Variants in PLCH2 observed in about 807,000 individuals in gnomAD.
The protein encoded by PLCH2 is 1-phosphatidylinositol 4,5-bisphosphate phosphodiesterase eta-2.
In PLCH2, 98 loss-of-function variants were observed where a neutral mutation model predicts 134.7. That is an observed-to-expected ratio of 0.73 (90% CI 0.62 to 0.86). The LOEUF (loss-of-function observed/expected upper bound fraction) is 0.86, where lower values mean the gene tolerates loss of function less well. PLCH2 is among the 40% of genes least tolerant of loss of function. The pLI is 0.00. For missense variants in PLCH2, 1,994 were observed against 1,986.6 expected (o/e 1.00, Z -0.07); for synonymous variants, 974 against 827.5 (o/e 1.18, Z -3.04).
intron 2 of PLCH2, among the ~76,000 whole-genome samples, chr1:2,445,176 A>C (rs1291345128): frequency 1.3e-5 from 2 of 152,114 alleles, no homozygotes; most frequent in Non-Finnish European, 2.9e-5. Context: ...GGGTCTGGAA[A>C]GGATGAGGGA....
chr1:2,503,635 G>A (rs951368138), intron 21 of PLCH2: 9 of 696,824 alleles, frequency 1.3e-5, no homozygotes, highest in East Asian at 8.1e-5. Flanking sequence ...TGAGAGCGGC[G>A]AGTGACAGGT....
At chr1:2,462,156 C>A (rs1417131283) in intron 2 of PLCH2, among the ~76,000 whole-genome samples, 3 of 115,830 alleles carry the variant, frequency 2.6e-5, no homozygotes, top group Non-Finnish European at 5.2e-5. Context: ...CACCCCTACA[C>A]CTGACACCCC....
chr1:2,460,170 T>C (rs1640744540), intron 2 of PLCH2, among the ~76,000 whole-genome samples: 1 of 152,224 alleles, frequency 6.6e-6, no homozygotes, highest in Non-Finnish European at 1.5e-5. Context: ...GCCCTTCATG[T>C]CCCCAGGGGC....
At chr1:2,469,781 G>T (rs965944414) in intron 1 of PLCH2, among the ~76,000 whole-genome samples, 1 of 152,214 alleles carries the variant, frequency 6.6e-6, no homozygotes. Context: ...GTGGGCGCGG[G>T]CCTCCCGTGT....
intron 1 of PLCH2, chr1:2,467,745 C>G: frequency 2.5e-6 from 1 of 400,258 alleles, no homozygotes; most frequent in Non-Finnish European, 4.4e-6. Context: ...ACTGGTGACC[C>G]GCCCAGGACC....
chr1:2,419,454 A>G, the PLCH2 span, among the ~76,000 whole-genome samples: 1 of 151,458 alleles, frequency 6.6e-6, no homozygotes, highest in Non-Finnish European at 1.5e-5. Flanking sequence ...GCTGGTCCAC[A>G]CTCTGAGGCC....
chr1:2,487,365 G>A lies in PLCH2; in HGVS notation c.1103G>A (p.Arg368His), dbSNP rs373907437. 14 of 1,612,190 alleles carry A rather than the reference G, an allele frequency of 8.7e-6. No homozygotes were observed. The highest frequency in any genetic ancestry group is 4.0e-5 in the African/African-American group (3 of 74,914). Residue 368 changes from arginine (R) to histidine (H), a missense_variant, in exon 7 of 22, where the codon CGC (arginine) becomes CAC (histidine). Physicochemically the swap from Arg to His is conservative, Grantham distance 29. Coordinates refer to ENST00000378486, the MANE Select transcript of PLCH2 (RefSeq NM_014638.4). ...MYAWVLQAGC[R>H]CVEVDCWDGP... Reference sequence around the variant, plus strand: ...GCTTGGGTCCTGCAGGCTGGCTGCCGCTGCGTGGAGGGTAAGCCCTGGACC... The same window carrying A: ...GCTTGGGTCCTGCAGGCTGGCTGCCACTGCGTGGAGGGTAAGCCCTGGACC...
chr1:2,504,381 G>T lies in PLCH2; in HGVS notation c.3419G>T (p.Arg1140Leu), dbSNP rs774814692. Residue 1140 changes from arginine to leucine, a missense_variant, in exon 22 of 22, where the codon CGA becomes CTA. This residue lies in a region of PLCH2 where 900 missense variants were observed against 752.3 expected (regional missense o/e 1.20). Transcript: ENST00000378486. Reference sequence around the variant, plus strand: ...CAGCGGCTGGAGCCATGTGGCCACCGAGACAGCGTTTCCTCCTCCTCCAGC... The same window carrying T: ...CAGCGGCTGGAGCCATGTGGCCACCTAGACAGCGTTTCCTCCTCCTCCAGC... Reference protein sequence around the residue: ...LWQRLEPCGHRDSVSSSSSMS... With the variant: ...LWQRLEPCGHLDSVSSSSSMS... The T allele has an allele frequency of 6.2e-7, 1 of 1,611,994 alleles. No homozygotes were observed.
upstream of PLCH2, among the ~76,000 whole-genome samples, chr1:2,473,125 G>A (rs967725973): frequency 2.6e-5 from 4 of 152,096 alleles, no homozygotes; most frequent in Admixed American, 6.5e-5. Context: ...TTCTGACAGC[G>A]CGCGCTCTTC....
At position 2,505,177 on chromosome 1, in the gene PLCH2, C is replaced by T. The variant is rs779931951; in HGVS notation, c.4215C>T (p.Ser1405=). ...CCAAGGGAGCCCTCGGGCCAGCATCCGCGGCTGCTGAAAACCTGGTCCTGC... is the reference window on the plus strand; with the variant it reads ...CCAAGGGAGCCCTCGGGCCAGCATCTGCGGCTGCTGAAAACCTGGTCCTGC... The part of the protein sequence containing the change: ...APSKGALGPA[S]AAAENLVLLR... The change falls in exon 22 of 22, where the codon TCC becomes TCT. Residue 1405 remains serine (S), a synonymous_variant. Coordinates refer to ENST00000378486, the MANE Select transcript of PLCH2 (RefSeq NM_014638.4). 8.9e-6 allele frequency: 14 copies of T among 1,571,456 alleles called. No homozygotes were observed. In the East Asian group the frequency reaches 1.2e-4, roughly 13 times the overall value.
At chr1:2,469,425 G>A (rs1001911275) in intron 1 of PLCH2, among the ~76,000 whole-genome samples, 9 of 152,240 alleles carry the variant, frequency 5.9e-5, no homozygotes, top group African/African-American at 1.4e-4. Context: ...TCCACGTGCC[G>A]CCGAGGACGG....
At chr1:2,465,765 CGGGCG>C (rs1553246372), upstream of PLCH2, among the ~76,000 whole-genome samples, 2 of 152,132 alleles carry the variant, frequency 1.3e-5, no homozygotes, top group Non-Finnish European at 2.9e-5. Flanking sequence ...GGCTGAGTGG[CGGGCG>C]GGGCTGGCCC....
upstream of PLCH2, among the ~76,000 whole-genome samples, chr1:2,423,961 A>C (rs67532508): frequency 2.0e-5 from 3 of 151,952 alleles, no homozygotes; most frequent in African/African-American, 7.3e-5. Context: ...AATTTTATAA[A>C]GTTTACAGGG....
chr1:2,490,076 T>A (rs1424736999), intron 10 of PLCH2, among the ~76,000 whole-genome samples: 1 of 142,028 alleles, frequency 7.0e-6, no homozygotes, highest in Non-Finnish European at 1.5e-5. Flanking sequence ...TCTTCCCAGT[T>A]TCAGCTCCCA....
intron 5 of PLCH2, among the ~76,000 whole-genome samples, chr1:2,486,622 C>T (rs964435774): frequency 5.9e-5 from 9 of 152,372 alleles, no homozygotes; most frequent in Admixed American, 4.6e-4. Flanking sequence ...GCCTCTGCTC[C>T]GTGCCAGGCC....
chr1:2,499,417 G>C (rs1219942683), intron 19 of PLCH2, among the ~76,000 whole-genome samples, 187 bp downstream of exon 19: 1 of 152,178 alleles, frequency 6.6e-6, no homozygotes, highest in African/African-American at 2.4e-5. Context: ...TGGCCTGTGG[G>C]GGAGGGGCCA....
In PLCH2 at chr1:2,459,513, C is replaced by T. The variant is rs35813218; in HGVS notation, c.116-18963C>T. Among the ~76,000 whole-genome samples, 219 of 46,406 alleles carry T rather than the reference C, an allele frequency of 4.7e-3. 7 individuals carry two copies. The highest frequency in any genetic ancestry group is 0.041 in the Middle Eastern group (3 of 74). 30.4% of individuals were successfully genotyped at this position (46,406 alleles called of 152,430 possible). A position where few individuals can be genotyped will look rare whatever the true frequency, so the allele number is the denominator to read the frequency against. On this transcript the variant is annotated intron_variant, in intron 2 of 3. Transcript: ENST00000609981. Reference sequence around the variant, plus strand: ...CCTGGTGGTCCTCCTTCCTGGTGGTCCTCCTTCCTGGTGGTCCTCCTTCCT... The same window carrying T: ...CCTGGTGGTCCTCCTTCCTGGTGGTTCTCCTTCCTGGTGGTCCTCCTTCCT...
chr1:2,453,909 G>A (rs1215471545), intron 2 of PLCH2, among the ~76,000 whole-genome samples: 1 of 152,152 alleles, frequency 6.6e-6, no homozygotes, highest in Non-Finnish European at 1.5e-5. Flanking sequence ...CGCCTGCCGA[G>A]TGGGGTGGGG....
At chr1:2,477,528 C>G (rs1256838780) in intron 1 of PLCH2, among the ~76,000 whole-genome samples, 1 of 152,162 alleles carries the variant, frequency 6.6e-6, no homozygotes, top group Admixed American at 6.5e-5. Flanking sequence ...CAGATGGTAC[C>G]TCTGGGACCC....
Sources: gnomAD v4.1 joint callset for allele counts (sites outside exome capture counted in the v4.1 genomes callset) on GRCh38, gnomAD v4.1.1 for gene constraint, gnomAD v4.1.1 regional missense constraint, MANE v1.5 for transcripts, NCBI Gene and HGNC (gene_info 2026-07-23, HGNC 2026-07-21) for gene names.